The following SOX6 variants were observed in gnomAD, a reference collection of about 807,000 sequenced individuals.
The protein encoded by SOX6 is SRY-box transcription factor 6, also known as transcription factor SOX-6.
SOX6 carries 11 observed loss-of-function variants against 97.8 expected under a neutral mutation model. The ratio of observed to expected loss-of-function variants is 0.11; its 90% CI spans 0.07 to 0.19. The LOEUF is 0.19. SOX6 is among the 10% of genes least tolerant of loss of function. The pLI is 1.00. For synonymous variants in SOX6, 360 were observed against 371.4 expected (o/e 0.97, Z 0.35); for missense variants, 810 against 1,039.5 (o/e 0.78, Z 3.04).
At chr11:16,591,963 T>C (rs1848158775) in intron 4 of SOX6, among the ~76,000 whole-genome samples, 1 of 152,148 alleles carries the variant, frequency 6.6e-6, no homozygotes, top group Admixed American at 6.6e-5. Context: ...TGTGTTAAAC[T>C]GAGACTGTTA....
chr11:16,298,410 G>A (rs1219110113), intron 3 of SOX6, among the ~76,000 whole-genome samples: 1 of 151,992 alleles, frequency 6.6e-6, no homozygotes, highest in Non-Finnish European at 1.5e-5. Context: ...CTAAATTTAT[G>A]TGTTTTTTTT....
intron 12 of SOX6, among the ~76,000 whole-genome samples, chr11:16,018,564 A>C (rs1346660972): frequency 6.6e-6 from 1 of 152,092 alleles, no homozygotes; most frequent in African/African-American, 2.4e-5. Context: ...ACTTAGATAA[A>C]AGCTGAATTT....
intron 13 of SOX6, among the ~76,000 whole-genome samples, chr11:16,005,583 T>G (rs752002287): frequency 6.6e-6 from 1 of 152,060 alleles, no homozygotes; most frequent in African/African-American, 2.4e-5. Flanking sequence ...CTCTCCAGCA[T>G]GGAGCAGCTA....
intron 13 of SOX6, among the ~76,000 whole-genome samples, chr11:16,001,828 G>A (rs541307031): frequency 1.3e-5 from 2 of 152,326 alleles, no homozygotes; most frequent in South Asian, 4.1e-4. Flanking sequence ...AAGTGTTATT[G>A]TGGATAAGAC....
rs143975352 is a variant in SOX6 at position 16,591,403 on chromosome 11, T to C, written n.609+20678A>G. Among the ~76,000 whole-genome samples the C allele has an allele frequency of 7.4e-3, 1,112 of 150,092 alleles. 15 individuals are homozygous for C. Among genetic ancestry groups the C allele is most frequent in the African/African-American group, 0.024 (1,005 of 41,094 alleles). ...TCAGAAAGATAATTAGGTATATACA[T>C]ACAAACATAGAAGCAATCAAACTAA... On this transcript the variant is annotated intron_variant and non_coding_transcript_variant, in intron 4 of 5. Coordinates refer to the SOX6 transcript ENST00000524520.
intron 4 of SOX6, 61 bp downstream of exon 4, chr11:16,234,521 T>G: frequency 1.0e-6 from 1 of 976,972 alleles, no homozygotes; most frequent in Non-Finnish European, 1.6e-6. Context: ...AGCAAATACA[T>G]TGTTATACAA....
At chr11:16,018,188 G>A (rs78374682) in intron 12 of SOX6, among the ~76,000 whole-genome samples, 168 of 152,144 alleles carry the variant, frequency 1.1e-3, no homozygotes, top group African/African-American at 3.8e-3. Context: ...GCCACAAGAC[G>A]GTAGCATCCA....
intron 4 of SOX6, among the ~76,000 whole-genome samples, chr11:16,223,514 T>C (rs1407846280): frequency 6.6e-6 from 1 of 152,140 alleles, no homozygotes; most frequent in Non-Finnish European, 1.5e-5. Flanking sequence ...ATCCAATCTA[T>C]AGGTGTGTAT....
chr11:16,222,618 C>G (rs1307743073), intron 4 of SOX6, among the ~76,000 whole-genome samples: 2 of 152,120 alleles, frequency 1.3e-5, no homozygotes, highest in Non-Finnish European at 2.9e-5. Context: ...ACAAACCAAG[C>G]TTTGTGGGGT....
chr11:16,509,559 T>G (rs190469365), intron 4 of SOX6, among the ~76,000 whole-genome samples: 2 of 152,114 alleles, frequency 1.3e-5, no homozygotes, highest in Non-Finnish European at 2.9e-5. Flanking sequence ...CAAAAAAAGA[T>G]GAAAGGTATT....
intron 3 of SOX6, among the ~76,000 whole-genome samples, chr11:16,297,639 A>G (rs1855136078): frequency 6.6e-6 from 1 of 152,212 alleles, no homozygotes; most frequent in Admixed American, 6.6e-5. Flanking sequence ...AACAGAAATG[A>G]CAGACCACTG....
chr11:16,484,606 C>T (rs534231991), intron 4 of SOX6: 8 of 691,708 alleles, frequency 1.2e-5, no homozygotes, highest in Admixed American at 8.1e-5. Flanking sequence ...GTGGAGGGGG[C>T]TTCCAGGTGC....
At chr11:16,063,324 C>T (rs920096421) in intron 9 of SOX6, among the ~76,000 whole-genome samples, 1 of 150,438 alleles carries the variant, frequency 6.6e-6, no homozygotes, top group Non-Finnish European at 1.5e-5. Flanking sequence ...CCCTTCAGTG[C>T]CTTCCAGTAC....
chr11:16,427,110 A>G (rs1248159690), intron 1 of SOX6, among the ~76,000 whole-genome samples: 1 of 151,978 alleles, frequency 6.6e-6, no homozygotes. Context: ...CAACAAAAGC[A>G]AAAATTGACA....
At chr11:16,656,959 C>T (rs1847724643) in intron 3 of SOX6, among the ~76,000 whole-genome samples, 2 of 152,144 alleles carry the variant, frequency 1.3e-5, no homozygotes, top group South Asian at 4.1e-4. Context: ...CCAATATTGA[C>T]ATATTATTAT....
At chr11:16,409,036 A>T (rs754924797) in intron 1 of SOX6, among the ~76,000 whole-genome samples, 1 of 152,128 alleles carries the variant, frequency 6.6e-6, no homozygotes, top group Non-Finnish European at 1.5e-5. Context: ...ATCACCTTCA[A>T]CTTTGGTGCA....
intron 3 of SOX6, among the ~76,000 whole-genome samples, chr11:16,615,309 C>G (rs1848458005): frequency 6.6e-6 from 1 of 152,166 alleles, no homozygotes; most frequent in Non-Finnish European, 1.5e-5. Flanking sequence ...TGTACAATGT[C>G]CTGAGAGCCT....
intron 4 of SOX6, among the ~76,000 whole-genome samples, chr11:16,212,634 T>C (rs1435716344): frequency 6.6e-6 from 1 of 152,202 alleles, no homozygotes; most frequent in Non-Finnish European, 1.5e-5. Context: ...GCATAGAGTA[T>C]GTGCATCTTC....
chr11:16,687,399 T>A (rs1847977599), intron 3 of SOX6, among the ~76,000 whole-genome samples: 2 of 152,174 alleles, frequency 1.3e-5, no homozygotes, highest in East Asian at 3.9e-4. Flanking sequence ...GATGATGGCA[T>A]CAAATCATCA....
Sources: allele counts gnomAD v4.1 joint callset (sites outside exome capture counted in the v4.1 genomes callset), GRCh38; gene constraint gnomAD v4.1.1; transcripts MANE v1.5; gene names NCBI Gene and HGNC (gene_info 2026-07-23, HGNC 2026-07-21).